LRRC8E: variants seen among roughly 807,000 people sequenced by gnomAD.
LRRC8E encodes volume-regulated anion channel subunit LRRC8E.
LRRC8E carries 6 observed loss-of-function variants against 6.1 expected under a neutral mutation model. That is an observed-to-expected ratio of 0.98 (90% confidence interval 0.54 to 1.93). LRRC8E has a LOEUF of 1.93. Among genes scored for constraint, LRRC8E ranks in the 30% most tolerant of loss-of-function variants. The pLI is 0.01. For missense variants in LRRC8E, 1,028 were observed against 1,031.4 expected, an observed-to-expected ratio of 1.00 and a Z score of 0.04; for synonymous variants, 485 against 472.8, an observed-to-expected ratio of 1.03 and a Z score of -0.33.
chr19:7,890,788 CA>C (rs1003821737), intron 1 of LRRC8E, among the ~76,000 whole-genome samples: 9 of 145,980 alleles, frequency 6.2e-5, no homozygotes, highest in African/African-American at 1.3e-4. Context: ...GACTCTGTCT[CA>C]AAAAAAAAAG....
intron 2 of LRRC8E, among the ~76,000 whole-genome samples, chr19:7,898,016 C>G (rs1981690371): frequency 6.6e-6 from 1 of 151,964 alleles, no homozygotes; most frequent in South Asian, 2.1e-4. Context: ...TCGAGAGCAG[C>G]CTGGCCAACA....
At chr19:7,894,549 G>A (rs1222141581) in intron 1 of LRRC8E, among the ~76,000 whole-genome samples, 1 of 152,200 alleles carries the variant, frequency 6.6e-6, no homozygotes, top group African/African-American at 2.4e-5. Context: ...TATCTATCTG[G>A]ACAAGGACAG....
Position 7,899,736 on chromosome 19 carries a change from AGAAGCTTC to A in LRRC8E, c.1217_1224del (p.Lys406ThrfsTer27). 1 of 1,612,278 alleles carries A rather than the reference AGAAGCTTC, an allele frequency of 6.2e-7. No individual in the cohort carries two copies. The highest frequency in any genetic ancestry group is 1.3e-5 in the African/African-American group (1 of 75,056). Reference sequence around the variant, plus strand: ...AATCTCAACCACGAGTGGACGCCCGAGAAGCTTCGACAGAAGCTGCAGCGCAATGCCGC... The same window carrying A: ...AATCTCAACCACGAGTGGACGCCCGAGACAGAAGCTGCAGCGCAATGCCGC... On this transcript the variant is annotated frameshift_variant, in exon 3 of 3. Coordinates refer to ENST00000306708, the MANE Select transcript of LRRC8E (RefSeq NM_025061.6). LOFTEE classifies it low-confidence loss of function (END_TRUNC).
chr19:7,891,524 G>GGTGTGTGT (rs577011407), intron 1 of LRRC8E, among the ~76,000 whole-genome samples: 41,888 of 125,696 alleles, frequency 0.33, 5,971 homozygotes, highest in East Asian at 0.38. Context: ...TCCCTGCTCG[G>GGTGTGTGT]GTGTGTGTGT....
Position 7,898,592 on chromosome 19 carries a change from A to C in LRRC8E, c.139-69A>C, listed in dbSNP as rs546054094. ...CAGGCTGGTCTCGAACTCCTGACCTAAAGTGATCCACTCGCCTTGGCCTCC... is the reference window on the plus strand; with the variant it reads ...CAGGCTGGTCTCGAACTCCTGACCTCAAGTGATCCACTCGCCTTGGCCTCC... On this transcript the variant is annotated intron_variant, in intron 2 of 2. Coordinates refer to ENST00000306708, the MANE Select transcript of LRRC8E (RefSeq NM_025061.6). 1.1e-4 allele frequency: 150 copies of C among 1,394,630 alleles called. 1 individual carries two copies. The African/African-American group carries it at 2.1e-3, about 19-fold the overall frequency. 86.4% of individuals were successfully genotyped at this position (1,394,630 alleles called of 1,614,324 possible).
In LRRC8E at chr19:7,899,158, G is replaced by T; in HGVS notation, c.636G>T (p.Lys212Asn). Residue 212 changes from lysine (K) to asparagine (N), a missense_variant, in exon 3 of 3, where the codon AAG becomes AAT. Coordinates refer to ENST00000306708, the MANE Select transcript of LRRC8E (RefSeq NM_025061.6). Reference sequence around the variant, plus strand: ...AGAAAGTGCTGGCGGAACCGGAGAAGGTGGTGACCGAGCCTCCAGTTGTCA... The same window carrying T: ...AGAAAGTGCTGGCGGAACCGGAGAATGTGGTGACCGAGCCTCCAGTTGTCA... Reference protein sequence around the residue: ...EKEKVLAEPEKVVTEPPVVTL... With the variant: ...EKEKVLAEPENVVTEPPVVTL... 6.2e-7 allele frequency: 1 copy of T among 1,614,014 alleles called. No individual in the cohort carries two copies. The highest frequency in any genetic ancestry group is 8.5e-7 in the Non-Finnish European group (1 of 1,179,938).
rs1324181303 is a variant in LRRC8E at position 7,899,258 on chromosome 19, G to C, written c.736G>C (p.Glu246Gln). 7.4e-6 allele frequency: 12 copies of C among 1,614,118 alleles called. No homozygotes were observed. The highest frequency in any genetic ancestry group is 1.1e-5 in the South Asian group (1 of 91,094). The change falls in exon 3 of 3, where the codon GAA becomes CAA. Residue 246 changes from glutamate (E) to glutamine (Q), a missense_variant. Glu to Gln is a conservative substitution (Grantham distance 29). Transcript: ENST00000306708. ...GGTGAAGAAGTTCCGCATGCACGTG[G>C]AAGAGGGCGACATCCTGTACACCAT... Reference protein sequence around the residue: ...EKVKKFRMHVEEGDILYTMYI... With the variant: ...EKVKKFRMHVQEGDILYTMYI...
chr19:7,899,900 G>A lies in LRRC8E; in HGVS notation c.1378G>A (p.Val460Met). The change falls in exon 3 of 3, where the codon GTG becomes ATG. Residue 460 changes from valine to methionine, a missense_variant. Transcript: ENST00000306708. Reference protein sequence around the residue: ...ITFPPGLSQLVHLQELSLLHS... With the variant: ...ITFPPGLSQLMHLQELSLLHS... The stretch of plus-strand genomic sequence containing the variant: ...CTTCCCCCCGGGGCTGTCACAGCTG[G>A]TGCACTTGCAGGAGCTCAGCTTGCT... 6.2e-7 allele frequency: 1 copy of A among 1,607,866 alleles called. No individual in the cohort carries two copies. The highest frequency in any genetic ancestry group is 1.1e-5 in the South Asian group (1 of 91,082).
In LRRC8E at chr19:7,901,009, G is replaced by A. The variant is rs115345068; in HGVS notation, c.*96G>A. 114 of 767,250 alleles carry A rather than the reference G, an allele frequency of 1.5e-4. 1 individual carries two copies. The African/African-American group carries it at 1.8e-3, about 12-fold the overall frequency. 47.5% of individuals were successfully genotyped at this position (767,250 alleles called of 1,614,324 possible). A position where few individuals can be genotyped will look rare whatever the true frequency, so the allele number is the denominator to read the frequency against. ...CAAGATAGGAAGCCAAGTGGGTCCA[G>A]GCCAGGAGATGGGGGGGGCGGGGGC... On this transcript the variant is annotated 3_prime_UTR_variant, in exon 3 of 3. Transcript: ENST00000306708.
chr19:7,901,113 G>A lies in LRRC8E; in HGVS notation c.*200G>A, dbSNP rs144963929. 1.9e-5 allele frequency: 10 copies of A among 519,184 alleles called. No individual in the cohort carries two copies. Among genetic ancestry groups the A allele is most frequent in the African/African-American group, 1.9e-4 (10 of 52,620 alleles). The allele number at this position is 519,184 out of a possible 1,614,324, so 32.2% of individuals were successfully genotyped here. On this transcript the variant is annotated 3_prime_UTR_variant, in exon 3 of 3. Coordinates refer to ENST00000306708, the MANE Select transcript of LRRC8E (RefSeq NM_025061.6). The stretch of plus-strand genomic sequence containing the variant: ...GACAGACAGGATGTTGTGGAGCTGG[G>A]GTGGAACCTGGTATGGAGGGATTAA...
intron 1 of LRRC8E, among the ~76,000 whole-genome samples, chr19:7,889,564 G>A (rs574286291): frequency 2.6e-5 from 4 of 151,580 alleles, no homozygotes; most frequent in East Asian, 2.0e-4. Flanking sequence ...GCAACATAGC[G>A]AGACTCCATC....
chr19:7,900,549 C>T lies in LRRC8E; in HGVS notation c.2027C>T (p.Ser676Leu), dbSNP rs753018256. The T allele has an allele frequency of 6.2e-5, 100 of 1,613,004 alleles. No individual in the cohort carries two copies. In the Middle Eastern group the frequency reaches 9.9e-4, roughly 16 times the overall value. The change falls in exon 3 of 3, where the codon TCA becomes TTA. Residue 676 changes from serine (S) to leucine (L), a missense_variant. By Grantham distance (145) the Ser-to-Leu change is moderately radical. Coordinates refer to ENST00000306708, the MANE Select transcript of LRRC8E (RefSeq NM_025061.6). The surrounding 1 kb of genome is among the most constrained non-coding windows in gnomAD (Gnocchi z 5.0). ...CTGCCCTCCCAGCTCGGCCTGTGCT[C>T]AGGCCTCCGTCTGCTGGATGTGTCC... Reference protein sequence around the residue: ...ETLPSQLGLCSGLRLLDVSHN... With the variant: ...ETLPSQLGLCLGLRLLDVSHN...
At chr19:7,896,082 C>T (rs983559483) in intron 2 of LRRC8E, among the ~76,000 whole-genome samples, 5 of 151,864 alleles carry the variant, frequency 3.3e-5, no homozygotes, top group Admixed American at 6.6e-5. Flanking sequence ...GGATTACAGG[C>T]GCCCACCACC....
At chr19:7,889,047 G>T (rs559449658) in intron 1 of LRRC8E, among the ~76,000 whole-genome samples, 1 of 152,244 alleles carries the variant, frequency 6.6e-6, no homozygotes, top group East Asian at 1.9e-4. Flanking sequence ...GGCAGAGGCG[G>T]CTTGGAAAAC....
In LRRC8E at chr19:7,901,079, G is replaced by A. The variant is rs1184742650; in HGVS notation, c.*166G>A. 5.2e-6 allele frequency: 3 copies of A among 580,934 alleles called. No individual in the cohort carries two copies. The highest frequency in any genetic ancestry group is 8.6e-6 in the Non-Finnish European group (3 of 346,900). The allele number at this position is 580,934 out of a possible 1,614,324, so 36.0% of individuals were successfully genotyped here. A position where few individuals can be genotyped will look rare whatever the true frequency, so the allele number is the denominator to read the frequency against. ...GGCCCAGGAGGATCTGGGCTGGTTTGTCTGGGGAGACAGACAGGATGTTGT... is the reference window on the plus strand; with the variant it reads ...GGCCCAGGAGGATCTGGGCTGGTTTATCTGGGGAGACAGACAGGATGTTGT... On this transcript the variant is annotated 3_prime_UTR_variant, in exon 3 of 3. Transcript: ENST00000306708.
chr19:7,901,847 T>G lies in LRRC8E; in HGVS notation c.*934T>G, dbSNP rs1982041809. 6.6e-6 allele frequency: 1 copy of G among 152,114 alleles called. No homozygotes were observed. The highest frequency in any genetic ancestry group is 1.5e-5 in the Non-Finnish European group (1 of 68,050). 9.4% of individuals were successfully genotyped at this position (152,114 alleles called of 1,614,324 possible). On this transcript the variant is annotated 3_prime_UTR_variant, in exon 3 of 3. Coordinates refer to ENST00000306708, the MANE Select transcript of LRRC8E (RefSeq NM_025061.6). The stretch of plus-strand genomic sequence containing the variant: ...GCTGGTGTACAAATACACACAAAGC[T>G]CTTCAGGCAGCTGATAGATTTCCCC...
At chr19:7,898,001 G>C (rs1981689726) in intron 2 of LRRC8E, among the ~76,000 whole-genome samples, 1 of 152,020 alleles carries the variant, frequency 6.6e-6, no homozygotes, top group African/African-American at 2.4e-5. Context: ...CTTGAGGCCA[G>C]GAGTTCGAGA....
In LRRC8E at chr19:7,895,863, G is replaced by C. The variant is rs1981560156; in HGVS notation, c.138+122G>C. On this transcript the variant is annotated intron_variant, in intron 2 of 2. Coordinates refer to ENST00000306708, the MANE Select transcript of LRRC8E (RefSeq NM_025061.6). The surrounding 1 kb of genome is among the most constrained non-coding windows in gnomAD (Gnocchi z 4.7). ...ACTGAAGACAGAGCCCCACTCAAAGGCCAATCCAGACCCCTTATCTTCCTT... is the reference window on the plus strand; with the variant it reads ...ACTGAAGACAGAGCCCCACTCAAAGCCCAATCCAGACCCCTTATCTTCCTT... The C allele has an allele frequency of 7.1e-6, 9 of 1,266,116 alleles. No homozygotes were observed. The South Asian group carries it at 9.9e-5, about 14-fold the overall frequency. 78.4% of individuals were successfully genotyped at this position (1,266,116 alleles called of 1,614,324 possible). A position where few individuals can be genotyped will look rare whatever the true frequency, so the allele number is the denominator to read the frequency against.
chr19:7,896,094 C>T (rs794453), intron 2 of LRRC8E, among the ~76,000 whole-genome samples: 3 of 151,588 alleles, frequency 2.0e-5, no homozygotes, highest in Non-Finnish European at 2.9e-5. Context: ...CCCACCACCA[C>T]GCCTGGCTAA....
Sources: allele counts gnomAD v4.1 joint callset (sites outside exome capture counted in the v4.1 genomes callset), GRCh38; gene constraint gnomAD v4.1.1; non-coding constraint Gnocchi (gnomAD v3.1); transcripts MANE v1.5; gene names NCBI Gene and HGNC (gene_info 2026-07-23, HGNC 2026-07-21).